Variants in HSPG2 observed in about 807,000 individuals in gnomAD.
HSPG2 encodes heparan sulfate proteoglycan 2, also known as basement membrane-specific heparan sulfate proteoglycan core protein.
A neutral mutation model predicts 526.6 loss-of-function variants in HSPG2; 278 were observed. The ratio of observed to expected loss-of-function variants is 0.53; its 90% confidence interval spans 0.48 to 0.58. HSPG2 has a LOEUF of 0.58. Among genes scored for constraint, HSPG2 ranks in the 20% least tolerant of loss-of-function variants. HSPG2 has a pLI of 0.00. For synonymous variants in HSPG2, 2,465 were observed against 2,555.4 expected (o/e 0.96, Z 1.07); for missense variants, 5,354 against 6,099.5 (o/e 0.88, Z 4.07).
At chr1:21,868,957 GGA>G in intron 33 of HSPG2, 2 of 981,066 alleles carry the variant, frequency 2.0e-6, no homozygotes, top group Non-Finnish European at 2.4e-6. Flanking sequence ...AGCCTTCGTA[GGA>G]GAGAGAGAAC....
Position 21,828,139 on chromosome 1 carries a change from C to T in HSPG2, c.12423G>A (p.Glu4141=). 2 of 1,609,992 alleles carry T rather than the reference C, an allele frequency of 1.2e-6. No homozygotes were observed. The highest frequency in any genetic ancestry group is 1.7e-6 in the Non-Finnish European group (2 of 1,178,176). The stretch of plus-strand genomic sequence containing the variant: ...GGAGCTGGCAGGGGTTCTCCTCGTG[C>T]TCACACAGGTCTCCTGTGGGCCAGG... ...CRDGFKGDLC[E]HEENPCQLRE... Residue 4141 remains glutamate, a synonymous_variant, in exon 90 of 97, where the codon GAG becomes GAA. Transcript: ENST00000374695. This position sits in a 1 kb window ranked among gnomAD's most constrained non-coding sequence, Gnocchi z 6.0.
In HSPG2 at chr1:21,823,082, G is replaced by A. The variant is rs758013152; in HGVS notation, c.*234C>T. On this transcript the variant is annotated 3_prime_UTR_variant, in exon 97 of 97. Transcript: ENST00000374695. Reference sequence around the variant, plus strand: ...ACTGTTCCTGACCCCAAGTCCTGGTGACTTTCTGAGGTGCCCACTCCCATC... The same window carrying A: ...ACTGTTCCTGACCCCAAGTCCTGGTAACTTTCTGAGGTGCCCACTCCCATC... The A allele has an allele frequency of 1.2e-4, 51 of 441,706 alleles. No homozygotes were observed. Among genetic ancestry groups the A allele is most frequent in the South Asian group, 3.4e-4 (7 of 20,808 alleles). The allele number at this position is 441,706 out of a possible 1,614,324, so 27.4% of individuals were successfully genotyped here. A position where few individuals can be genotyped will look rare whatever the true frequency, so the allele number is the denominator to read the frequency against.
chr1:21,862,063 T>C lies in HSPG2; in HGVS notation c.4793A>G (p.Tyr1598Cys). 6.2e-7 allele frequency: 1 copy of C among 1,614,096 alleles called. No individual in the cohort carries two copies. Residue 1598 changes from tyrosine to cysteine, a missense_variant, in exon 38 of 97, where the codon TAC becomes TGC. Physicochemically the swap from Tyr to Cys is radical, Grantham distance 194. Transcript: ENST00000374695. ...GEFCELCAPG[Y>C]YGDATAGTPE... ...CGTCCCGGCTGTGGCATCTCCGTAGTAGCCAGGGGCACAAAGCTCGCAGAA... is the reference window on the plus strand; with the variant it reads ...CGTCCCGGCTGTGGCATCTCCGTAGCAGCCAGGGGCACAAAGCTCGCAGAA...
At chr1:21,922,526 G>A (rs1644068296) in intron 1 of HSPG2, among the ~76,000 whole-genome samples, 1 of 151,826 alleles carries the variant, frequency 6.6e-6, no homozygotes, top group South Asian at 2.1e-4. Flanking sequence ...AGAGAGTCCT[G>A]TTGCTAGAGA....
At chr1:21,933,445 TG>T (rs1203020306) in intron 1 of HSPG2, among the ~76,000 whole-genome samples, 1 of 152,140 alleles carries the variant, frequency 6.6e-6, no homozygotes, top group Non-Finnish European at 1.5e-5. Flanking sequence ...TGGGTAAGTC[TG>T]AAGTACCCGT....
chr1:21,909,759 G>A (rs1003579164), intron 1 of HSPG2, among the ~76,000 whole-genome samples: 1 of 152,182 alleles, frequency 6.6e-6, no homozygotes, highest in Admixed American at 6.5e-5. Flanking sequence ...CCCCAAACCC[G>A]AACACAGCCA....
At chr1:21,840,954 G>A (rs547447256) in intron 71 of HSPG2, 147 bp downstream of exon 71, 12 of 706,778 alleles carry the variant, frequency 1.7e-5, no homozygotes, top group African/African-American at 8.8e-5. Context: ...CAGTCTATTC[G>A]TCATCCACCC....
At chr1:21,842,564 A>G (rs1328188269) in intron 67 of HSPG2, among the ~76,000 whole-genome samples, 184 bp from the exon 68 acceptor site, 3 of 152,198 alleles carry the variant, frequency 2.0e-5, no homozygotes, top group Non-Finnish European at 4.4e-5. Flanking sequence ...AGTGGAGGAA[A>G]CTGAGGCCCA....
intron 1 of HSPG2, among the ~76,000 whole-genome samples, chr1:21,934,893 C>T (rs1337913047): frequency 2.2e-5 from 3 of 138,386 alleles, no homozygotes; most frequent in Middle Eastern, 5.4e-3. Flanking sequence ...CCGCGCCTGG[C>T]CCCGAAAAAC....
Position 21,877,246 on chromosome 1 carries a change from T to C in HSPG2, c.2686-594A>G, listed in dbSNP as rs79502704. ...ACAGCGACTTGATTGAAATAATTGCTGCTTCTATTTATGGAGTGTTTCACG... is the reference window on the plus strand; with the variant it reads ...ACAGCGACTTGATTGAAATAATTGCCGCTTCTATTTATGGAGTGTTTCACG... On this transcript the variant is annotated intron_variant, in intron 21 of 96. Coordinates refer to ENST00000374695, the MANE Select transcript of HSPG2 (RefSeq NM_005529.7). Among the ~76,000 whole-genome samples the C allele has an allele frequency of 2.4e-3, 369 of 152,294 alleles. 3 individuals carry two copies. The highest frequency in any genetic ancestry group is 8.6e-3 in the African/African-American group (356 of 41,546).
At chr1:21,862,831 T>A (rs1302400312) in intron 37 of HSPG2, among the ~76,000 whole-genome samples, 1 of 151,120 alleles carries the variant, frequency 6.6e-6, no homozygotes, top group East Asian at 2.0e-4. Context: ...TCTCAGGACG[T>A]GGGTGGATCA....
intron 80 of HSPG2, 48 bp from the exon 81 acceptor site, chr1:21,832,654 C>T (rs1302881605): frequency 1.4e-6 from 2 of 1,428,838 alleles, no homozygotes; most frequent in East Asian, 2.3e-5. Context: ...CCACAGGCTC[C>T]CTGTCCTCCC....
At chr1:21,853,133 A>G (rs1049252098) in intron 50 of HSPG2, 63 bp from the exon 51 acceptor site, 2 of 1,605,060 alleles carry the variant, frequency 1.2e-6, no homozygotes, top group African/African-American at 2.7e-5. Context: ...GCCCTGGGGC[A>G]GAAGGCTCTG....
rs1638249943 is a variant in HSPG2 at position 21,844,317 on chromosome 1, G to C, written c.8465-18C>G. 1 of 1,605,606 alleles carries C rather than the reference G, an allele frequency of 6.2e-7. No homozygotes were observed. Among genetic ancestry groups the C allele is most frequent in the Non-Finnish European group, 8.5e-7 (1 of 1,174,094 alleles). On this transcript the variant is annotated intron_variant, in intron 64 of 96. Coordinates refer to ENST00000374695, the MANE Select transcript of HSPG2 (RefSeq NM_005529.7). Reference sequence around the variant, plus strand: ...ACCTGGGGCTGGGGCACAGGGGAGAGGTCAGTGAGCTGAGATGCCACCCTG... The same window carrying C: ...ACCTGGGGCTGGGGCACAGGGGAGACGTCAGTGAGCTGAGATGCCACCCTG...
chr1:21,892,940 G>A (rs1161142684), intron 3 of HSPG2, among the ~76,000 whole-genome samples: 1 of 152,016 alleles, frequency 6.6e-6, no homozygotes, highest in Non-Finnish European at 1.5e-5. Context: ...CAGCCAGCAG[G>A]GGCGAGGCTG....
chr1:21,889,091 T>C (rs1642163203), intron 6 of HSPG2, among the ~76,000 whole-genome samples: 1 of 152,034 alleles, frequency 6.6e-6, no homozygotes, highest in Non-Finnish European at 1.5e-5. Context: ...ACGCTTGGCT[T>C]TAATTGAGGT....
At chr1:21,899,450 T>C (rs1642971153) in intron 1 of HSPG2, among the ~76,000 whole-genome samples, 1 of 151,986 alleles carries the variant, frequency 6.6e-6, no homozygotes, top group South Asian at 2.1e-4. Context: ...AACCAGGTTA[T>C]AGGTCTTATG....
At chr1:21,827,465 A>C (rs2097981374) in intron 91 of HSPG2, among the ~76,000 whole-genome samples, 1 of 152,224 alleles carries the variant, frequency 6.6e-6, no homozygotes. Flanking sequence ...TAAAGGGGTT[A>C]GCACAGTGTC....
intron 76 of HSPG2, 54 bp from the exon 77 acceptor site, chr1:21,834,999 C>A: frequency 6.3e-7 from 1 of 1,596,380 alleles, no homozygotes; most frequent in Non-Finnish European, 8.5e-7. Context: ...AGGCCTGGCC[C>A]GAGGGAGGCC....
Sources: allele counts gnomAD v4.1 joint callset (sites outside exome capture counted in the v4.1 genomes callset), GRCh38; gene constraint gnomAD v4.1.1; non-coding constraint Gnocchi (gnomAD v3.1); transcripts MANE v1.5; gene names NCBI Gene and HGNC (gene_info 2026-07-23, HGNC 2026-07-21).